TMEM131: variants seen among roughly 807,000 people sequenced by gnomAD.
TMEM131 encodes transmembrane protein 131, also known as 2610524E03Rik.
Under a neutral mutation model 211.6 loss-of-function variants are expected in TMEM131, and 66 were observed. That is an observed-to-expected ratio of 0.31 (90% CI 0.26 to 0.38). The LOEUF (loss-of-function observed/expected upper bound fraction) is 0.38. Among genes scored for constraint, TMEM131 ranks in the 10% least tolerant of loss-of-function variants. The pLI, the probability that TMEM131 is intolerant of heterozygous loss-of-function variation, is 1.00. For missense variants in TMEM131, 2,036 were observed against 2,299.3 expected, an observed-to-expected ratio of 0.89 and a Z score of 2.34; for synonymous variants, 844 against 841.3, an observed-to-expected ratio of 1.00 and a Z score of -0.06.
chr2:97,994,875 G>A (rs1680421956), intron 1 of TMEM131, among the ~76,000 whole-genome samples: 1 of 152,112 alleles, frequency 6.6e-6, no homozygotes, highest in Non-Finnish European at 1.5e-5. Flanking sequence ...TCACATCAAA[G>A]ATAAAGGCAC....
At chr2:97,773,215 A>G (rs1455667776) in intron 32 of TMEM131, among the ~76,000 whole-genome samples, 3 of 152,202 alleles carry the variant, frequency 2.0e-5, no homozygotes, top group Non-Finnish European at 4.4e-5. Flanking sequence ...GGCTGGTTTA[A>G]TGCTAAGCTA....
intron 1 of TMEM131, among the ~76,000 whole-genome samples, chr2:97,964,551 T>A (rs760351029): frequency 6.6e-6 from 1 of 152,224 alleles, no homozygotes; most frequent in Non-Finnish European, 1.5e-5. Flanking sequence ...CATATCAAGC[T>A]TGTTAAACAC....
rs1335619200 is a variant in TMEM131 at position 97,756,807 on chromosome 2, G to A, written c.*292C>T. On this transcript the variant is annotated 3_prime_UTR_variant, in exon 41 of 41. Coordinates refer to ENST00000186436, the MANE Select transcript of TMEM131 (RefSeq NM_015348.2). ...AGATAAATAAAGCATGGGGAAGACA[G>A]GTGGTGAAAACGCAGTAACGGGAAA... is the stretch of plus-strand genomic sequence containing the variant. 2 of 251,646 alleles carry A rather than the reference G, an allele frequency of 7.9e-6. No individual in the cohort carries two copies. Among genetic ancestry groups the A allele is most frequent in the African/African-American group, 4.4e-5 (2 of 45,128 alleles). The allele number at this position is 251,646 out of a possible 1,614,324, so 15.6% of individuals were successfully genotyped here. A position where few individuals can be genotyped will look rare whatever the true frequency, so the allele number is the denominator to read the frequency against.
chr2:97,823,615 GCC>G (rs1559382204), intron 11 of TMEM131, among the ~76,000 whole-genome samples: 1 of 152,160 alleles, frequency 6.6e-6, no homozygotes, highest in African/African-American at 2.4e-5. Context: ...CAGTATGGAT[GCC>G]CACTGGGATC....
intron 3 of TMEM131, among the ~76,000 whole-genome samples, chr2:97,903,580 T>A (rs1191049764): frequency 6.6e-6 from 1 of 152,178 alleles, no homozygotes; most frequent in African/African-American, 2.4e-5. Flanking sequence ...TGCTTCCTGA[T>A]AGGATGCATT....
At chr2:97,884,776 T>C (rs572122925) in intron 4 of TMEM131, among the ~76,000 whole-genome samples, 1 of 152,230 alleles carries the variant, frequency 6.6e-6, no homozygotes, top group South Asian at 2.1e-4. Flanking sequence ...GAAGTATCTT[T>C]TTCTTTCCCT....
At chr2:97,974,325 C>T (rs552975598) in intron 1 of TMEM131, among the ~76,000 whole-genome samples, 22 of 152,188 alleles carry the variant, frequency 1.4e-4, no homozygotes, top group African/African-American at 4.8e-4. Flanking sequence ...AAAACCTAAA[C>T]AGTGCAATGT....
At chr2:97,887,375 G>T (rs1489992181) in intron 4 of TMEM131, among the ~76,000 whole-genome samples, 4 of 152,114 alleles carry the variant, frequency 2.6e-5, no homozygotes, top group Non-Finnish European at 5.9e-5. Context: ...TTGCCCACAG[G>T]GCTGTTTTTC....
chr2:97,801,798 A>G, intron 25 of TMEM131, 97 bp downstream of exon 25: 1 of 862,346 alleles, frequency 1.2e-6, no homozygotes, highest in South Asian at 2.2e-5. Flanking sequence ...CTTACCCTTC[A>G]GCCAAATTTA....
intron 3 of TMEM131, among the ~76,000 whole-genome samples, chr2:97,905,560 A>G (rs2104355709): frequency 6.6e-6 from 1 of 152,176 alleles, no homozygotes; most frequent in African/African-American, 2.4e-5. Flanking sequence ...TTTGTTTTTT[A>G]GTCATTTTTC....
At chr2:97,926,883 A>C (rs1455370665) in intron 2 of TMEM131, among the ~76,000 whole-genome samples, 2 of 152,196 alleles carry the variant, frequency 1.3e-5, no homozygotes, top group East Asian at 3.8e-4. Context: ...CACTTAGGGA[A>C]TTTTCCAGAA....
At chr2:97,805,815 T>C in intron 19 of TMEM131, 112 bp from the exon 20 acceptor site, 1 of 970,264 alleles carries the variant, frequency 1.0e-6, no homozygotes, top group Non-Finnish European at 1.4e-6. Flanking sequence ...CCAAAAGACA[T>C]CTTAGAATGT....
In TMEM131 at chr2:97,800,372, C is replaced by T. The variant is rs562279848; in HGVS notation, c.2718+1523G>A. On this transcript the variant is annotated intron_variant, in intron 25 of 40. Coordinates refer to ENST00000186436, the MANE Select transcript of TMEM131 (RefSeq NM_015348.2). Reference sequence around the variant, plus strand: ...CAGTGCTTAGTTCAGTGTTCTACATCTTGTAAATATGGCTTGTAGTTAATA... The same window carrying T: ...CAGTGCTTAGTTCAGTGTTCTACATTTTGTAAATATGGCTTGTAGTTAATA... 3.3e-5 allele frequency among the ~76,000 whole-genome samples: 5 copies of T among 152,134 alleles called. No individual in the cohort carries two copies. The South Asian group carries it at 1.0e-3, about 32-fold the overall frequency.
intron 31 of TMEM131, among the ~76,000 whole-genome samples, chr2:97,781,710 T>C (rs970356895): frequency 5.3e-5 from 8 of 152,130 alleles, no homozygotes; most frequent in Admixed American, 2.0e-4. Flanking sequence ...AGAAGATGAC[T>C]CTGAAAGGCA....
chr2:97,893,122 A>G (rs1216103935), intron 3 of TMEM131, among the ~76,000 whole-genome samples: 1 of 152,014 alleles, frequency 6.6e-6, no homozygotes, highest in East Asian at 1.9e-4. Flanking sequence ...ACTCCCACTT[A>G]TGAGTGAGAA....
chr2:97,868,626 T>C (rs1443124614), intron 4 of TMEM131, among the ~76,000 whole-genome samples: 1 of 152,196 alleles, frequency 6.6e-6, no homozygotes, highest in African/African-American at 2.4e-5. Flanking sequence ...ATTCTGTGGC[T>C]GACGTTCTGT....
rs1364221531 is a variant in TMEM131, at chr2:97,841,020, T to C, written c.723+795A>G. Among the ~76,000 whole-genome samples the C allele has an allele frequency of 7.2e-5, 11 of 152,310 alleles. No individual in the cohort carries two copies. The East Asian group carries it at 1.9e-3, about 27-fold the overall frequency. ...CCAAAGCCCTATACTTACCACAAAA[T>C]ATAGTATTTTTCCTCCACCTGTCAT... is the stretch of plus-strand genomic sequence containing the variant. On this transcript the variant is annotated intron_variant, in intron 7 of 40. Transcript: ENST00000186436.
intron 31 of TMEM131, among the ~76,000 whole-genome samples, chr2:97,781,481 T>C (rs764125244): frequency 6.6e-6 from 1 of 152,246 alleles, no homozygotes; most frequent in Non-Finnish European, 1.5e-5. Context: ...TACCAATCTG[T>C]GGCTTTACAG....
chr2:97,848,911 T>A (rs1266891273), intron 5 of TMEM131, among the ~76,000 whole-genome samples: 1 of 152,110 alleles, frequency 6.6e-6, no homozygotes, highest in East Asian at 1.9e-4. Flanking sequence ...GCAAATCACA[T>A]ATCTCAAGAA....
Sources: allele counts gnomAD v4.1 joint callset (sites outside exome capture counted in the v4.1 genomes callset), GRCh38; gene constraint gnomAD v4.1.1; transcripts MANE v1.5; gene names NCBI Gene and HGNC (gene_info 2026-07-23, HGNC 2026-07-21).